Variants in DNMT3L observed in about 807,000 individuals in gnomAD.
The protein encoded by DNMT3L is DNA (cytosine-5)-methyltransferase 3-like.
DNMT3L carries 33 observed loss-of-function variants against 36.2 expected under a neutral mutation model. The observed-to-expected ratio is 0.91, with a 90% CI of 0.69 to 1.22. DNMT3L has a LOEUF of 1.22. Among genes scored for constraint, DNMT3L ranks in the 50% most tolerant of loss-of-function variants. The pLI is 0.00. For synonymous variants in DNMT3L, 117 were observed against 121.7 expected (o/e 0.96, Z 0.26); for missense variants, 310 against 303.1 (o/e 1.02, Z -0.17).
chr21:44,259,387 T>C (rs377045212), intron 5 of DNMT3L, 50 bp downstream of exon 5: 2 of 1,559,504 alleles, frequency 1.3e-6, no homozygotes, highest in East Asian at 2.2e-5. Flanking sequence ...GCTGAAAGGA[T>C]GGGTGTGTCC....
chr21:44,259,746 C>T (rs1293248584), intron 3 of DNMT3L, 35 bp from the exon 4 acceptor site: 2 of 1,583,748 alleles, frequency 1.3e-6, no homozygotes, highest in Admixed American at 3.5e-5. Context: ...TGTGTTTTCC[C>T]AGTGCTGTCA....
At chr21:44,259,826 T>C (rs1282606487) in intron 3 of DNMT3L, 115 bp from the exon 4 acceptor site, 16 of 1,082,594 alleles carry the variant, frequency 1.5e-5, no homozygotes, top group Non-Finnish European at 2.2e-5. Context: ...AACTGCAAAG[T>C]ATTGTTGGAA....
Position 44,261,807 on chromosome 21 carries a change from C to G in DNMT3L, c.-75G>C, listed in dbSNP as rs2040322348. 1 of 153,268 alleles carries G rather than the reference C, an allele frequency of 6.5e-6. No homozygotes were observed. Among genetic ancestry groups the G allele is most frequent in the African/African-American group, 2.4e-5 (1 of 41,448 alleles). The allele number at this position is 153,268 out of a possible 1,614,324, so 9.5% of individuals were successfully genotyped here. ...CAAGGTTCCAGTGGTCCGGGGCTTC[C>G]AGGCTCAGGGTCCCCGGGGAGGACT... On this transcript the variant is annotated 5_prime_UTR_variant, in exon 1 of 12. Transcript: ENST00000628202.
At chr21:44,254,536 G>C in intron 8 of DNMT3L, 81 bp downstream of exon 8, 1 of 1,504,746 alleles carries the variant, frequency 6.6e-7, no homozygotes, top group Non-Finnish European at 9.1e-7. Context: ...CTCCTTGCCC[G>C]CCTCATCCTT....
chr21:44,254,244 C>T (rs2040240125), intron 8 of DNMT3L, among the ~76,000 whole-genome samples: 1 of 152,242 alleles, frequency 6.6e-6, no homozygotes, highest in South Asian at 2.1e-4. Context: ...GGTTCAGCCC[C>T]TCCTTGCCGG....
chr21:44,259,750 G>A (rs952631295), intron 3 of DNMT3L, 39 bp from the exon 4 acceptor site: 10 of 1,579,722 alleles, frequency 6.3e-6, no homozygotes, highest in African/African-American at 1.3e-5. Flanking sequence ...TTTTCCCAGT[G>A]CTGTCAAATA....
At chr21:44,253,965 G>A (rs558212115) in intron 8 of DNMT3L, among the ~76,000 whole-genome samples, 4 of 152,232 alleles carry the variant, frequency 2.6e-5, no homozygotes, top group Non-Finnish European at 4.4e-5. Flanking sequence ...TCCGAGTGCC[G>A]AAAAGGCATG....
In DNMT3L at chr21:44,258,571, A is replaced by G. The variant is rs764075474; in HGVS notation, c.468T>C (p.Arg156=). ...LPSSRSGLLQ[R]RRKWRSQLKA... is the part of the protein sequence containing the mutation. Reference sequence around the variant, plus strand: ...TGAGCTGGCTGCGCCACTTCCTCCGACGCTGCAGCAGCCCGCTTCGGGAGG... The same window carrying G: ...TGAGCTGGCTGCGCCACTTCCTCCGGCGCTGCAGCAGCCCGCTTCGGGAGG... Residue 156 remains arginine (R), a synonymous_variant, in exon 6 of 12, where the codon CGT becomes CGC. Coordinates refer to ENST00000628202, the MANE Select transcript of DNMT3L (RefSeq NM_175867.3). This position sits in a 1 kb window ranked among gnomAD's most constrained non-coding sequence, Gnocchi z 6.2. 19 of 1,605,904 alleles carry G rather than the reference A, an allele frequency of 1.2e-5. No individual in the cohort carries two copies. The Admixed American group carries it at 3.2e-4, about 27-fold the overall frequency.
In DNMT3L at chr21:44,258,950, C is replaced by T. The variant is rs928305264; in HGVS notation, c.345-256G>A. Among the ~76,000 whole-genome samples, 1 of 152,132 alleles carries T rather than the reference C, an allele frequency of 6.6e-6. No homozygotes were observed. The highest frequency in any genetic ancestry group is 1.5e-5 in the Non-Finnish European group (1 of 68,020). On this transcript the variant is annotated intron_variant, in intron 5 of 11. Transcript: ENST00000628202. This position sits in a 1 kb window ranked among gnomAD's most constrained non-coding sequence, Gnocchi z 6.2. ...AGATCCAAGGAACCCCCTAAGCCACCTGTCTGCCCCCAAACTCGAGCCTGC... is the reference window on the plus strand; with the variant it reads ...AGATCCAAGGAACCCCCTAAGCCACTTGTCTGCCCCCAAACTCGAGCCTGC...
At chr21:44,260,732 A>G in intron 3 of DNMT3L, 63 bp downstream of exon 3, 1 of 1,606,794 alleles carries the variant, frequency 6.2e-7, no homozygotes, top group Non-Finnish European at 8.5e-7. Context: ...TGCTGGGATT[A>G]TAGGTGTGAG....
At chr21:44,257,741 T>C (rs113985466) in intron 6 of DNMT3L, among the ~76,000 whole-genome samples, 2,610 of 151,986 alleles carry the variant, frequency 0.017, 82 homozygotes, top group African/African-American at 0.06. Context: ...ACCAGGGGAC[T>C]TGGCACAGCA....
In DNMT3L at chr21:44,259,430, G is replaced by A. The variant is rs201192288; in HGVS notation, c.344+7C>T. ...CTTCACCCCCCTGGGCAGGCCCCTC[G>A]CCTCACCGGGTGCAATCAGGGTTTC... On this transcript the variant is annotated splice_region_variant and intron_variant, in intron 5 of 11. Transcript: ENST00000628202. 281 of 1,613,368 alleles carry A rather than the reference G, an allele frequency of 1.7e-4. No homozygotes were observed. In the East Asian group the frequency reaches 5.7e-3, roughly 32 times the overall value.
chr21:44,261,576 G>A (rs925330959), intron 1 of DNMT3L, among the ~76,000 whole-genome samples, 164 bp downstream of exon 1: 33 of 152,144 alleles, frequency 2.2e-4, no homozygotes, highest in African/African-American at 8.0e-4. Context: ...GCCAATGGCC[G>A]CTGCAGCCCC....
intron 6 of DNMT3L, among the ~76,000 whole-genome samples, chr21:44,256,537 G>C (rs2040260957): frequency 6.7e-6 from 1 of 149,138 alleles, no homozygotes; most frequent in Admixed American, 6.8e-5. Context: ...CGATTCTCCT[G>C]CTTCACCCTC....
intron 7 of DNMT3L, 50 bp from the exon 8 acceptor site, chr21:44,254,755 C>G: frequency 1.9e-6 from 3 of 1,593,096 alleles, no homozygotes; most frequent in Non-Finnish European, 2.6e-6. Flanking sequence ...TGGATTGTGC[C>G]CCTACAGGGA....
chr21:44,254,736 G>A, intron 7 of DNMT3L, 31 bp from the exon 8 acceptor site: 1 of 1,611,998 alleles, frequency 6.2e-7, no homozygotes, highest in East Asian at 2.2e-5. Flanking sequence ...AGGGCCCAGA[G>A]GGTGAGCGTG....
At chr21:44,254,934 C>T (rs1325104609) in intron 7 of DNMT3L, among the ~76,000 whole-genome samples, 1 of 152,090 alleles carries the variant, frequency 6.6e-6, no homozygotes, top group Admixed American at 6.6e-5. Flanking sequence ...CAAGCGGTTC[C>T]CCTGCCTCAA....
chr21:44,259,589 G>A, intron 4 of DNMT3L, 40 bp from the exon 5 acceptor site: 2 of 1,613,342 alleles, frequency 1.2e-6, no homozygotes, highest in Non-Finnish European at 1.7e-6. Flanking sequence ...TGTCATCCCT[G>A]CTCTGAGGCC....
In DNMT3L at chr21:44,260,794, CCTT is replaced by C. The variant is rs1280637709; in HGVS notation, c.149_151del (p.Glu50del). On this transcript the variant is annotated inframe_deletion and splice_region_variant, in exon 3 of 12. Transcript: ENST00000628202. ...GTGTGGGCCAGTATGCAAACACTCA[CCTT>C]CTATATTTCGCTGGTTAGCCTTGAC... 16 of 1,613,200 alleles carry C rather than the reference CCTT, an allele frequency of 9.9e-6. No individual in the cohort carries two copies. Among genetic ancestry groups the C allele is most frequent in the South Asian group, 4.4e-5 (4 of 91,076 alleles).
Sources: gnomAD v4.1 joint callset for allele counts (sites outside exome capture counted in the v4.1 genomes callset) on GRCh38, gnomAD v4.1.1 for gene constraint, Gnocchi (gnomAD v3.1) non-coding constraint, MANE v1.5 for transcripts, NCBI Gene and HGNC (gene_info 2026-07-23, HGNC 2026-07-21) for gene names.